NBEA: variants seen among roughly 807,000 people sequenced by gnomAD.
NBEA encodes neurobeachin.
A neutral mutation model predicts 343.4 loss-of-function variants in NBEA; 44 were observed. That is an observed-to-expected ratio of 0.13 (90% CI 0.10 to 0.16). The LOEUF is 0.16. Ranked by LOEUF, NBEA falls within the 10% of genes least tolerant of loss-of-function variation. The probability of loss-of-function intolerance (pLI) is 1.00; values close to 1 mark genes in which losing one functional copy is unlikely to be tolerated. For synonymous variants in NBEA, 1,175 were observed against 1,238.7 expected, an observed-to-expected ratio of 0.95 and a Z score of 1.08; for missense variants, 2,555 against 3,631.3, an observed-to-expected ratio of 0.70 and a Z score of 7.62.
In NBEA at chr13:35,253,319, C is replaced by T. The variant is rs576929665; in HGVS notation, c.5776+20700C>T. Among the ~76,000 whole-genome samples, 64 of 152,318 alleles carry T rather than the reference C, an allele frequency of 4.2e-4. 1 individual carries two copies. In the South Asian group the frequency reaches 0.012, roughly 29 times the overall value. On this transcript the variant is annotated intron_variant, in intron 34 of 58. Transcript: ENST00000379939. The stretch of plus-strand genomic sequence containing the variant: ...TCTACTGGCACCACTTTTCCAAAAA[C>T]GTGCTCACTTCGTGTCTCTTTGTTG...
chr13:35,265,458 C>A (rs2033593907), intron 34 of NBEA, among the ~76,000 whole-genome samples: 1 of 151,722 alleles, frequency 6.6e-6, no homozygotes, highest in Non-Finnish European at 1.5e-5. Context: ...TAGCTGACTG[C>A]AAAACATACT....
At chr13:35,210,478 A>T (rs1458578073) in intron 32 of NBEA, among the ~76,000 whole-genome samples, 1 of 152,156 alleles carries the variant, frequency 6.6e-6, no homozygotes, top group Admixed American at 6.6e-5. Flanking sequence ...CTCCACAGCT[A>T]CTTAATATAC....
chr13:35,441,831 G>GAAAAAAAA (rs34357028), intron 39 of NBEA, among the ~76,000 whole-genome samples: 1 of 120,038 alleles, frequency 8.3e-6, no homozygotes. Context: ...TGCTAGATGT[G>GAAAAAAAA]AAAAAAAAAA....
At chr13:35,454,920 G>A (rs554927217) in intron 40 of NBEA, among the ~76,000 whole-genome samples, 51 of 151,508 alleles carry the variant, frequency 3.4e-4, no homozygotes, top group South Asian at 2.1e-4. Flanking sequence ...TCCTAAAATC[G>A]GTGTACAATA....
intron 38 of NBEA, among the ~76,000 whole-genome samples, chr13:35,368,632 T>C (rs759903463): frequency 2.5e-4 from 38 of 151,834 alleles, no homozygotes; most frequent in Non-Finnish European, 3.7e-4. Flanking sequence ...TTGTTACTTC[T>C]TGAAACAATC....
At chr13:35,398,929 A>T (rs946740241) in intron 38 of NBEA, among the ~76,000 whole-genome samples, 1 of 152,128 alleles carries the variant, frequency 6.6e-6, no homozygotes, top group African/African-American at 2.4e-5. Context: ...TTCTCCCTAT[A>T]TAAGGCTGTT....
intron 38 of NBEA, among the ~76,000 whole-genome samples, chr13:35,426,510 G>T (rs1208546638): frequency 2.0e-5 from 3 of 152,186 alleles, no homozygotes; most frequent in Non-Finnish European, 2.9e-5. Context: ...TCTGCCAAGA[G>T]ATCAGCTGTT....
At chr13:35,445,865 G>A (rs565141523) in intron 39 of NBEA, among the ~76,000 whole-genome samples, 214 of 146,498 alleles carry the variant, frequency 1.5e-3, no homozygotes, top group South Asian at 3.9e-3. Context: ...TGTGCACAGC[G>A]TGCAGGTTTG....
At chr13:35,526,212 T>C (rs1381478) in intron 41 of NBEA, among the ~76,000 whole-genome samples, 6,148 of 152,282 alleles carry the variant, frequency 0.04, 345 homozygotes, top group East Asian at 0.22. Flanking sequence ...TTTTGTTTTG[T>C]AGATATTTTA....
intron 36 of NBEA, among the ~76,000 whole-genome samples, chr13:35,323,108 C>G (rs929864371): frequency 2.0e-5 from 3 of 152,162 alleles, no homozygotes; most frequent in Non-Finnish European, 4.4e-5. Context: ...CCTCAGCCTC[C>G]CAAAGTGCTG....
chr13:35,247,218 C>G (rs563473672), intron 34 of NBEA, among the ~76,000 whole-genome samples: 9 of 152,286 alleles, frequency 5.9e-5, no homozygotes, highest in African/African-American at 2.2e-4. Flanking sequence ...GGCCTCCTGG[C>G]CCAGAAAGCA....
chr13:35,000,737 C>T (rs1407932687), intron 1 of NBEA, among the ~76,000 whole-genome samples: 1 of 151,752 alleles, frequency 6.6e-6, no homozygotes, highest in Non-Finnish European at 1.5e-5. Flanking sequence ...GAAAATTTTG[C>T]TTTATCTTTA....
chr13:35,040,493 A>G (rs987751357), intron 1 of NBEA, among the ~76,000 whole-genome samples: 1 of 151,798 alleles, frequency 6.6e-6, no homozygotes, highest in African/African-American at 2.4e-5. Context: ...TTTATCTTCT[A>G]TATATTGAGA....
intron 33 of NBEA, among the ~76,000 whole-genome samples, chr13:35,219,656 G>A (rs995349711): frequency 2.0e-5 from 3 of 152,116 alleles, no homozygotes; most frequent in African/African-American, 7.2e-5. Context: ...GAACCAATGT[G>A]TAGTTCTAAT....
chr13:35,349,345 TA>T (rs1173015203), intron 37 of NBEA, 129 bp downstream of exon 37: 1 of 513,340 alleles, frequency 1.9e-6, no homozygotes, highest in Non-Finnish European at 3.5e-6. Context: ...TCCTGTTTTT[TA>T]AAAGCTTTAG....
At chr13:35,270,781 A>G (rs953354100) in intron 34 of NBEA, among the ~76,000 whole-genome samples, 8 of 152,320 alleles carry the variant, frequency 5.3e-5, no homozygotes, top group Non-Finnish European at 1.2e-4. Flanking sequence ...GGGGAGGGGC[A>G]TCTGCCACTG....
At chr13:35,121,909 A>G (rs1593415824) in intron 16 of NBEA, among the ~76,000 whole-genome samples, 1 of 152,158 alleles carries the variant, frequency 6.6e-6, no homozygotes, top group East Asian at 1.9e-4. Context: ...AACATATTTA[A>G]TAAAATAAAG....
At chr13:35,427,324 T>G (rs2044754013) in intron 38 of NBEA, among the ~76,000 whole-genome samples, 1 of 152,224 alleles carries the variant, frequency 6.6e-6, no homozygotes, top group East Asian at 1.9e-4. Flanking sequence ...GTGGATGTCC[T>G]TCCTGTTTGT....
At chr13:35,608,453 T>C (rs2082372633) in intron 48 of NBEA, among the ~76,000 whole-genome samples, 1 of 152,192 alleles carries the variant, frequency 6.6e-6, no homozygotes, top group South Asian at 2.1e-4. Flanking sequence ...TATCTGTAAA[T>C]ATCAGTGTAA....
Sources: gnomAD v4.1 joint callset for allele counts (sites outside exome capture counted in the v4.1 genomes callset) on GRCh38, gnomAD v4.1.1 for gene constraint, MANE v1.5 for transcripts, NCBI Gene and HGNC (gene_info 2026-07-23, HGNC 2026-07-21) for gene names.